The following MYCT1 variants were observed in gnomAD, a reference collection of about 807,000 sequenced individuals.
The protein encoded by MYCT1 is myc target protein 1.
A neutral mutation model predicts 15.0 loss-of-function variants in MYCT1; 12 were observed. The ratio of observed to expected loss-of-function variants is 0.80; its 90% CI spans 0.51 to 1.29. The LOEUF is 1.29. Among genes scored for constraint, MYCT1 ranks in the 50% most tolerant of loss-of-function variants. The pLI is 0.00. For missense variants in MYCT1, 287 were observed against 279.1 expected (o/e 1.03, Z -0.20); for synonymous variants, 104 against 102.7 (o/e 1.01, Z -0.07).
At chr6:152,745,647 A>G in the MYCT1 span, among the ~76,000 whole-genome samples, 10 of 152,192 alleles carry the variant, frequency 6.6e-5, no homozygotes, top group East Asian at 1.9e-3. Flanking sequence ...GAAATCTGGG[A>G]GGCTTCCTCT....
rs751023222 is a variant in MYCT1, at chr6:152,722,379, G to A, written c.*126G>A. 3.5e-5 allele frequency: 32 copies of A among 904,896 alleles called. No individual in the cohort carries two copies. The highest frequency in any genetic ancestry group is 1.5e-4 in the South Asian group (8 of 55,048). The allele number at this position is 904,896 out of a possible 1,614,324, so 56.1% of individuals were successfully genotyped here. ...CTCATGAGTTCCAAGTTGAAACATG[G>A]TTGTGCAAGTTGGACATTACAATGT... On this transcript the variant is annotated 3_prime_UTR_variant, in exon 2 of 2. Coordinates refer to ENST00000367245, the MANE Select transcript of MYCT1 (RefSeq NM_025107.3).
chr6:152,697,928 T>C lies in MYCT1; in HGVS notation c.26T>C (p.Leu9Ser). 3 of 1,599,172 alleles carry C rather than the reference T, an allele frequency of 1.9e-6. No individual in the cohort carries two copies. The South Asian group carries it at 3.4e-5, about 18-fold the overall frequency. The change falls in exon 1 of 2, where the codon TTG (leucine) becomes TCG (serine). Residue 9 changes from leucine to serine, a missense_variant. By Grantham distance (145) the Leu-to-Ser change is moderately radical. Coordinates refer to ENST00000367245, the MANE Select transcript of MYCT1 (RefSeq NM_025107.3). ...ATGCGAACACAAGTATATGAGGGGT[T>C]GTGTAAAAATTATTTTTCTCTTGCT... The part of the protein sequence containing the change: MRTQVYEG[L>S]CKNYFSLAVL...
At chr6:152,727,705 G>A (rs2099725909), downstream of MYCT1, among the ~76,000 whole-genome samples, 1 of 152,124 alleles carries the variant, frequency 6.6e-6, no homozygotes, top group African/African-American at 2.4e-5. Flanking sequence ...AGAGCTGCAG[G>A]GCCAGCAGGT....
At chr6:152,702,126 T>G (rs2099721426) in intron 1 of MYCT1, among the ~76,000 whole-genome samples, 1 of 152,120 alleles carries the variant, frequency 6.6e-6, no homozygotes, top group African/African-American at 2.4e-5. Flanking sequence ...GCTTCCCTTC[T>G]CCAAAACCCT....
the MYCT1 span, among the ~76,000 whole-genome samples, chr6:152,734,895 T>C: frequency 6.6e-6 from 1 of 152,206 alleles, no homozygotes. Flanking sequence ...CATCTTGACA[T>C]TTTGACTTCT....
intron 1 of MYCT1, among the ~76,000 whole-genome samples, chr6:152,713,955 A>G (rs963800810): frequency 1.3e-5 from 2 of 152,050 alleles, no homozygotes; most frequent in African/African-American, 4.8e-5. Context: ...ACTCCTCTCC[A>G]GTAGCTACAA....
Position 152,723,177 on chromosome 6 carries a change from A to AT in MYCT1, c.*930dup, listed in dbSNP as rs902911651. The AT allele has an allele frequency of 7.2e-5, 11 of 152,128 alleles. No homozygotes were observed. The highest frequency in any genetic ancestry group is 2.7e-4 in the African/African-American group (11 of 41,414). 9.4% of individuals were successfully genotyped at this position (152,128 alleles called of 1,614,324 possible). ...ATTGGATGTTTCATTTTTGACACTA[A>AT]TTTTTTCTGGACAAACTCTTTATGT... On this transcript the variant is annotated 3_prime_UTR_variant, in exon 2 of 2. Coordinates refer to ENST00000367245, the MANE Select transcript of MYCT1 (RefSeq NM_025107.3).
chr6:152,731,812 A>G, the MYCT1 span, among the ~76,000 whole-genome samples: 3 of 149,712 alleles, frequency 2.0e-5, no homozygotes. Flanking sequence ...CAGTGGCGCG[A>G]TATCAGCTCG....
At chr6:152,742,669 A>C in the MYCT1 span, among the ~76,000 whole-genome samples, 1 of 152,138 alleles carries the variant, frequency 6.6e-6, no homozygotes, top group African/African-American at 2.4e-5. Flanking sequence ...GAGAGGGAGA[A>C]TGGAGGCCGG....
chr6:152,722,830 C>A lies in MYCT1; in HGVS notation c.*577C>A. On this transcript the variant is annotated 3_prime_UTR_variant, in exon 2 of 2. Transcript: ENST00000367245. ...CAGGACTCACTGCAGCCTCTATCTC[C>A]CAGGCTCAAGTAATCCTCCCATCTT... is the stretch of plus-strand genomic sequence containing the variant. 3.1e-6 allele frequency: 1 copy of A among 323,008 alleles called. No homozygotes were observed. The highest frequency in any genetic ancestry group is 6.1e-6 in the Non-Finnish European group (1 of 163,742). 20.0% of individuals were successfully genotyped at this position (323,008 alleles called of 1,614,324 possible). A position where few individuals can be genotyped will look rare whatever the true frequency, so the allele number is the denominator to read the frequency against.
At position 152,722,149 on chromosome 6, in the gene MYCT1, C is replaced by G. The variant is rs1183894811; in HGVS notation, c.604C>G (p.Leu202Val). 6.2e-7 allele frequency: 1 copy of G among 1,614,228 alleles called. No homozygotes were observed. Among genetic ancestry groups the G allele is most frequent in the Non-Finnish European group, 8.5e-7 (1 of 1,180,038 alleles). ...TCCCACCATCAGCACTTCCCACAGT[C>G]TGAGCCGTCCTGACTACTGGTCCAG... ...ISPTISTSHS[L>V]SRPDYWSSNS... Residue 202 changes from leucine to valine, a missense_variant, in exon 2 of 2, where the codon CTG (leucine) becomes GTG (valine). Physicochemically the swap from Leu to Val is conservative, Grantham distance 32 (BLOSUM62 1). Coordinates refer to ENST00000367245, the MANE Select transcript of MYCT1 (RefSeq NM_025107.3).
the MYCT1 span, among the ~76,000 whole-genome samples, chr6:152,745,207 C>T: frequency 6.6e-6 from 1 of 152,186 alleles, no homozygotes; most frequent in Non-Finnish European, 1.5e-5. Flanking sequence ...CCCAGGCAAA[C>T]CATGACTATA....
the MYCT1 span, among the ~76,000 whole-genome samples, chr6:152,738,168 ATGTC>A: frequency 2.0e-5 from 3 of 152,092 alleles, no homozygotes; most frequent in African/African-American, 7.2e-5. Flanking sequence ...AGCATGGAAA[ATGTC>A]TGGCTAAATG....
intron 1 of MYCT1, among the ~76,000 whole-genome samples, chr6:152,709,374 C>T (rs1332606888): frequency 4.5e-5 from 1 of 22,200 alleles, no homozygotes; most frequent in African/African-American, 1.2e-4. Context: ...GGTATATACC[C>T]AGTAACGGGA....
At chr6:152,717,977 C>CATTTTAA (rs1196705960) in intron 1 of MYCT1, among the ~76,000 whole-genome samples, 9 of 152,060 alleles carry the variant, frequency 5.9e-5, no homozygotes, top group African/African-American at 2.2e-4. Flanking sequence ...TTCTCACGTA[C>CATTTTAA]ATTTTAAATT....
At chr6:152,707,597 A>G (rs745823115) in intron 1 of MYCT1, among the ~76,000 whole-genome samples, 1 of 150,288 alleles carries the variant, frequency 6.7e-6, no homozygotes, top group Non-Finnish European at 1.5e-5. Context: ...CTTTTTCCCT[A>G]TGTTGTCCTC....
At chr6:152,739,602 T>A in the MYCT1 span, among the ~76,000 whole-genome samples, 1 of 151,986 alleles carries the variant, frequency 6.6e-6, no homozygotes, top group Non-Finnish European at 1.5e-5. Context: ...CATTTTAAGT[T>A]TTTATTGCAT....
At chr6:152,717,229 T>C (rs998526491) in intron 1 of MYCT1, among the ~76,000 whole-genome samples, 2 of 152,226 alleles carry the variant, frequency 1.3e-5, no homozygotes, top group Non-Finnish European at 2.9e-5. Context: ...ATCTCTTTCT[T>C]ATTGCCTTTC....
chr6:152,744,081 T>G, the MYCT1 span, among the ~76,000 whole-genome samples: 5 of 152,254 alleles, frequency 3.3e-5, no homozygotes, highest in African/African-American at 1.2e-4. Context: ...CCCATGAGGA[T>G]TTGGTGTCTG....
Sources: gnomAD v4.1 joint callset for allele counts (sites outside exome capture counted in the v4.1 genomes callset) on GRCh38, gnomAD v4.1.1 for gene constraint, MANE v1.5 for transcripts, NCBI Gene and HGNC (gene_info 2026-07-23, HGNC 2026-07-21) for gene names.